Variants in CHCHD3 observed in about 807,000 individuals in gnomAD.
The protein encoded by CHCHD3 is MICOS complex subunit MIC19.
Under a neutral mutation model 38.2 loss-of-function variants are expected in CHCHD3, and 20 were observed. That is an observed-to-expected ratio of 0.52 (90% CI 0.37 to 0.76). The LOEUF is 0.76. Ranked by LOEUF, CHCHD3 falls within the 30% of genes least tolerant of loss-of-function variation. The pLI is 0.00. For synonymous variants in CHCHD3, 82 were observed against 100.0 expected (o/e 0.82, Z 1.07); for missense variants, 245 against 279.2 (o/e 0.88, Z 0.87).
chr7:133,035,892 G>A lies in CHCHD3; in HGVS notation c.170-11265C>T. On this transcript the variant is annotated intron_variant, in intron 2 of 7. Transcript: ENST00000262570. The surrounding 1 kb of genome is among the most constrained non-coding windows in gnomAD (Gnocchi z 4.7). ...AGCCTTGAAGGCCCTCCAGTTTTCA[G>A]GATACGTGTACAGGGTCCCAGCCGC... 2 of 1,611,688 alleles carry A rather than the reference G, an allele frequency of 1.2e-6. No homozygotes were observed. The highest frequency in any genetic ancestry group is 3.3e-5 in the Admixed American group (2 of 59,852).
At chr7:132,913,467 G>T (rs1363479696) in intron 4 of CHCHD3, among the ~76,000 whole-genome samples, 1 of 152,092 alleles carries the variant, frequency 6.6e-6, no homozygotes, top group Non-Finnish European at 1.5e-5. Flanking sequence ...AAAAAAACAG[G>T]TCCCCCAGGC....
At chr7:132,799,613 G>T (rs913381014) in intron 6 of CHCHD3, among the ~76,000 whole-genome samples, 70 of 152,114 alleles carry the variant, frequency 4.6e-4, no homozygotes, top group Non-Finnish European at 9.6e-4. Context: ...ATGAAATATA[G>T]ATTTGGAAAA....
chr7:132,963,317 T>C (rs1674270179), intron 4 of CHCHD3, among the ~76,000 whole-genome samples: 1 of 147,440 alleles, frequency 6.8e-6, no homozygotes, highest in Non-Finnish European at 1.5e-5. Flanking sequence ...AATTTTAAAA[T>C]TGTAATTTTT....
chr7:132,822,019 CT>C (rs1287921852), intron 6 of CHCHD3, among the ~76,000 whole-genome samples: 1 of 152,196 alleles, frequency 6.6e-6, no homozygotes, highest in African/African-American at 2.4e-5. Context: ...GCCTCGGCCT[CT>C]TTTAAAGATC....
At position 132,890,360 on chromosome 7, in the gene CHCHD3, C is replaced by T. The variant is rs113734397; in HGVS notation, c.370-4615G>A. The stretch of plus-strand genomic sequence containing the variant: ...AAACTGGGATTATGAATATAACATA[C>T]TGGGCTGATAGAAACTTTACCTTCC... On this transcript the variant is annotated intron_variant, in intron 4 of 7. Coordinates refer to ENST00000262570, the MANE Select transcript of CHCHD3 (RefSeq NM_017812.4). 5.3e-5 allele frequency among the ~76,000 whole-genome samples: 8 copies of T among 152,264 alleles called. No homozygotes were observed. In the East Asian group the frequency reaches 1.2e-3, roughly 22 times the overall value.
intron 4 of CHCHD3, among the ~76,000 whole-genome samples, chr7:132,939,942 G>A (rs1376290896): frequency 6.6e-6 from 1 of 152,130 alleles, no homozygotes; most frequent in Non-Finnish European, 1.5e-5. Context: ...GAGTAAATCT[G>A]TTAAACACAG....
chr7:132,856,238 C>T (rs1347154522), intron 5 of CHCHD3, among the ~76,000 whole-genome samples: 1 of 152,108 alleles, frequency 6.6e-6, no homozygotes, highest in Non-Finnish European at 1.5e-5. Context: ...AGAATGCACC[C>T]ATCCATGAGA....
At chr7:132,817,327 G>T (rs148393689) in intron 6 of CHCHD3, among the ~76,000 whole-genome samples, 144 of 151,804 alleles carry the variant, frequency 9.5e-4, no homozygotes, top group African/African-American at 3.4e-3. Flanking sequence ...ATATTAAGAT[G>T]CAACTGGGAC....
At chr7:132,937,912 A>G (rs1398885263) in intron 4 of CHCHD3, among the ~76,000 whole-genome samples, 2 of 151,978 alleles carry the variant, frequency 1.3e-5, no homozygotes, top group Non-Finnish European at 2.9e-5. Context: ...GTTAAAAGAC[A>G]TTTCCTTTTC....
intron 2 of CHCHD3, among the ~76,000 whole-genome samples, chr7:133,046,187 G>A (rs1235445485): frequency 1.3e-5 from 2 of 152,120 alleles, no homozygotes; most frequent in Middle Eastern, 3.2e-3. Flanking sequence ...ATGAGAGACC[G>A]GTATAATCTG....
At chr7:132,973,182 G>A (rs752561275) in intron 4 of CHCHD3, 296 of 985,382 alleles carry the variant, frequency 3.0e-4, no homozygotes, top group Non-Finnish European at 3.4e-4. Context: ...TGGAGAAAGA[G>A]TGCTTCAAAG....
rs1201104333 is a variant in CHCHD3, at chr7:132,818,354, A to AC, written c.524+20044_524+20045insG. Among the ~76,000 whole-genome samples, 10 of 152,360 alleles carry AC rather than the reference A, an allele frequency of 6.6e-5. No homozygotes were observed. The East Asian group carries it at 1.9e-3, about 29-fold the overall frequency. On this transcript the variant is annotated intron_variant, in intron 6 of 7. Transcript: ENST00000262570. Reference sequence around the variant, plus strand: ...AAGCAAGGTAGTGACCCACTAGGTTAATGGGACTTGACAATCAGTCCAGTT... The same window carrying AC: ...AAGCAAGGTAGTGACCCACTAGGTTACATGGGACTTGACAATCAGTCCAGTT...
At chr7:132,828,934 C>G (rs1807572517) in intron 6 of CHCHD3, among the ~76,000 whole-genome samples, 1 of 152,152 alleles carries the variant, frequency 6.6e-6, no homozygotes, top group South Asian at 2.1e-4. Flanking sequence ...GCATATCTGA[C>G]ATAAGGACAG....
chr7:132,995,999 A>T lies in CHCHD3; in HGVS notation c.252-20713T>A, dbSNP rs543384407. 5.4e-4 allele frequency among the ~76,000 whole-genome samples: 83 copies of T among 152,330 alleles called. 1 individual carries two copies. The highest frequency in any genetic ancestry group is 2.0e-3 in the African/African-American group (83 of 41,568). On this transcript the variant is annotated intron_variant, in intron 3 of 7. Transcript: ENST00000262570. ...GTCCCCATTCAGAGCTAAAGAAACC[A>T]CAGCTTAGAGAAGTTCAATAGATTA...
chr7:132,865,798 G>A (rs1323495102), intron 5 of CHCHD3, among the ~76,000 whole-genome samples: 2 of 152,162 alleles, frequency 1.3e-5, no homozygotes, highest in African/African-American at 2.4e-5. Flanking sequence ...AGGAGGTAAC[G>A]ATTGGTTAGC....
rs192899549 is a variant in CHCHD3 at position 132,842,110 on chromosome 7, A to T, written c.454-3641T>A. Among the ~76,000 whole-genome samples the T allele has an allele frequency of 6.6e-3, 1,004 of 151,934 alleles. 12 individuals are homozygous for T. The highest frequency in any genetic ancestry group is 0.022 in the African/African-American group (927 of 41,412). On this transcript the variant is annotated intron_variant, in intron 5 of 7. Transcript: ENST00000262570. ...AAGACTCCATCTCGAGAAAAAAAAA[A>T]ATTTTTTTTAATATTTTATAATACA...
intron 4 of CHCHD3, among the ~76,000 whole-genome samples, chr7:132,908,076 G>A (rs777447670): frequency 3.3e-4 from 50 of 152,178 alleles, no homozygotes; most frequent in Admixed American, 2.2e-3. Context: ...GATCAGTCAC[G>A]CTATTCTAAC....
intron 4 of CHCHD3, among the ~76,000 whole-genome samples, chr7:132,954,179 C>T (rs937874199): frequency 6.6e-5 from 10 of 151,928 alleles, no homozygotes; most frequent in East Asian, 2.0e-4. Context: ...CATGGGGGTC[C>T]GCCTTGCTCT....
chr7:132,832,068 G>T (rs759026400), intron 6 of CHCHD3, among the ~76,000 whole-genome samples: 10 of 149,436 alleles, frequency 6.7e-5, no homozygotes, highest in Non-Finnish European at 1.2e-4. Context: ...CCCTAAAAAA[G>T]AAAAAAAAAT....
Sources: allele counts gnomAD v4.1 joint callset (sites outside exome capture counted in the v4.1 genomes callset), GRCh38; gene constraint gnomAD v4.1.1; non-coding constraint Gnocchi (gnomAD v3.1); transcripts MANE v1.5; gene names NCBI Gene and HGNC (gene_info 2026-07-23, HGNC 2026-07-21).